Variants in LANCL2 observed in about 807,000 individuals in gnomAD.
The protein encoded by LANCL2 is LanC like glutathione S-transferase 2, also known as lanC-like protein 2.
In LANCL2, 33 loss-of-function variants were observed where a neutral mutation model predicts 56.9. The observed-to-expected ratio is 0.58, with a 90% CI of 0.44 to 0.78. The LOEUF is 0.78. Ranked by LOEUF, LANCL2 falls within the 30% of genes least tolerant of loss-of-function variation. The probability of loss-of-function intolerance (pLI) is 0.00; values close to 1 mark genes in which losing one functional copy is unlikely to be tolerated. For synonymous variants in LANCL2, 233 were observed against 228.2 expected, an observed-to-expected ratio of 1.02 and a Z score of -0.19; for missense variants, 562 against 580.2, an observed-to-expected ratio of 0.97 and a Z score of 0.32.
rs1176332245 is a variant in LANCL2 at position 55,411,939 on chromosome 7, A to G, written c.858A>G (p.Thr286=). ...CAAAAGTGGACCAAGAAACCTTGACAGAAATGGTGAAACCCAGTATTGATT... is the reference window on the plus strand; with the variant it reads ...CAAAAGTGGACCAAGAAACCTTGACGGAAATGGTGAAACCCAGTATTGATT... ...PAAKVDQETL[T]EMVKPSIDYV... The change falls in exon 6 of 9, where the codon ACA becomes ACG. Residue 286 remains threonine, a synonymous_variant. Coordinates refer to ENST00000254770, the MANE Select transcript of LANCL2 (RefSeq NM_018697.4). 1 of 1,613,570 alleles carries G rather than the reference A, an allele frequency of 6.2e-7. No individual in the cohort carries two copies. Among genetic ancestry groups the G allele is most frequent in the South Asian group, 1.1e-5 (1 of 90,896 alleles).
chr7:55,397,460 CAAAAAAAAAAAA>C (rs35547837), intron 2 of LANCL2, among the ~76,000 whole-genome samples: 3 of 90,356 alleles, frequency 3.3e-5, no homozygotes, highest in Non-Finnish European at 6.3e-5. Flanking sequence ...GACTCTGTCT[CAAAAAAAAAAAA>C]AAAAAAAAGC....
intron 5 of LANCL2, among the ~76,000 whole-genome samples, chr7:55,404,862 C>T (rs1562865163): frequency 6.6e-6 from 1 of 152,168 alleles, no homozygotes; most frequent in Admixed American, 6.5e-5. Flanking sequence ...GATCCACCCA[C>T]CTCAGCCTCC....
intron 8 of LANCL2, among the ~76,000 whole-genome samples, chr7:55,429,559 A>G (rs945767371): frequency 2.6e-5 from 4 of 152,262 alleles, no homozygotes; most frequent in Admixed American, 6.5e-5. Flanking sequence ...ATATTTTAGA[A>G]ATACGAGCAG....
In LANCL2 at chr7:55,431,515, C is replaced by T. The variant is rs1790727143; in HGVS notation, c.*195C>T. On this transcript the variant is annotated 3_prime_UTR_variant, in exon 9 of 9. Coordinates refer to ENST00000254770, the MANE Select transcript of LANCL2 (RefSeq NM_018697.4). ...GCACCCTCATCAATATAAAATATGA[C>T]TTCTTCACATACAGATTCTCTGTAG... The T allele has an allele frequency of 1.8e-6, 1 of 542,618 alleles. No individual in the cohort carries two copies. The highest frequency in any genetic ancestry group is 3.2e-6 in the Non-Finnish European group (1 of 307,952). 33.6% of individuals were successfully genotyped at this position (542,618 alleles called of 1,614,324 possible).
Position 55,365,982 on chromosome 7 carries a change from G to A in LANCL2, c.-44G>A, listed in dbSNP as rs1329509338. 7.3e-7 allele frequency: 1 copy of A among 1,367,800 alleles called. No homozygotes were observed. Among genetic ancestry groups the A allele is most frequent in the Non-Finnish European group, 9.6e-7 (1 of 1,045,436 alleles). 84.7% of individuals were successfully genotyped at this position (1,367,800 alleles called of 1,614,324 possible). A position where few individuals can be genotyped will look rare whatever the true frequency, so the allele number is the denominator to read the frequency against. On this transcript the variant is annotated 5_prime_UTR_variant, in exon 1 of 9. Transcript: ENST00000254770. The stretch of plus-strand genomic sequence containing the variant: ...GGCGGCGGGGCGAGCTGCAGCGCCG[G>A]GACAGGAGGTTTGTCCCCGCCCGCG...
chr7:55,425,122 T>C, intron 6 of LANCL2, 132 bp from the exon 7 acceptor site: 2 of 794,966 alleles, frequency 2.5e-6, no homozygotes, highest in Non-Finnish European at 2.0e-6. Context: ...TGTTTGTTTG[T>C]CTGTTTTTCA....
At chr7:55,399,294 A>AG (rs1156676495) in intron 3 of LANCL2, among the ~76,000 whole-genome samples, 1 of 151,378 alleles carries the variant, frequency 6.6e-6, no homozygotes, top group Non-Finnish European at 1.5e-5. Flanking sequence ...AAAGAAAAAA[A>AG]AAAAGACAGA....
chr7:55,425,287 A>G lies in LANCL2; in HGVS notation c.1042A>G (p.Met348Val). The change falls in exon 7 of 9, where the codon ATG becomes GTG. Residue 348 changes from methionine (M) to valine (V), a missense_variant. Transcript: ENST00000254770. ...GGAGGAGAAGTACTTGAAAGAGGCC[A>G]TGGAGTGTAGCGATGTGATTTGGCA... Reference protein sequence around the residue: ...FKEEKYLKEAMECSDVIWQRG... With the variant: ...FKEEKYLKEAVECSDVIWQRG... 1 of 1,614,170 alleles carries G rather than the reference A, an allele frequency of 6.2e-7. No homozygotes were observed. The highest frequency in any genetic ancestry group is 1.1e-5 in the South Asian group (1 of 91,072).
chr7:55,366,561 C>T (rs1408993067), intron 1 of LANCL2, among the ~76,000 whole-genome samples: 4 of 152,152 alleles, frequency 2.6e-5, no homozygotes, highest in Non-Finnish European at 5.9e-5. Context: ...CGCCCCTGCG[C>T]GGCGGAGCGC....
rs1177991395 is a variant in LANCL2, at chr7:55,411,985, C to T, written c.904C>T (p.Arg302Ter). The change falls in exon 6 of 9, where the codon CGA becomes TGA. Residue 302 changes from arginine to a stop codon, truncating the protein, a stop_gained. Coordinates refer to ENST00000254770, the MANE Select transcript of LANCL2 (RefSeq NM_018697.4). LOFTEE classifies it high-confidence loss of function. ...SIDYVRHKKF[R>*]SGNYPSSLSN... ...TGATTATGTGCGCCACAAAAAATTC[C>T]GATCTGGGAATTACCCATCATCATT... is the stretch of plus-strand genomic sequence containing the variant. 2.5e-6 allele frequency: 4 copies of T among 1,614,164 alleles called. No individual in the cohort carries two copies. Among genetic ancestry groups the T allele is most frequent in the Non-Finnish European group, 2.5e-6 (3 of 1,180,012 alleles).
chr7:55,372,808 C>T (rs888379673), intron 1 of LANCL2, among the ~76,000 whole-genome samples: 3 of 152,158 alleles, frequency 2.0e-5, no homozygotes, highest in Non-Finnish European at 2.9e-5. Flanking sequence ...CTTATTGTCT[C>T]CTTTTTTTCC....
At chr7:55,378,912 C>T (rs1790033323) in intron 1 of LANCL2, among the ~76,000 whole-genome samples, 1 of 152,200 alleles carries the variant, frequency 6.6e-6, no homozygotes, top group South Asian at 2.1e-4. Flanking sequence ...GCAGGCGGAT[C>T]ACGAGGTCAG....
At chr7:55,385,303 A>G (rs1231601356) in intron 1 of LANCL2, among the ~76,000 whole-genome samples, 3 of 152,178 alleles carry the variant, frequency 2.0e-5, no homozygotes, top group Non-Finnish European at 2.9e-5. Flanking sequence ...GAGTACAGAA[A>G]GGCAGATTTA....
chr7:55,378,895 G>A (rs1345741280), intron 1 of LANCL2, among the ~76,000 whole-genome samples: 1 of 152,222 alleles, frequency 6.6e-6, no homozygotes, highest in Non-Finnish European at 1.5e-5. Context: ...GACTTTGGGA[G>A]GCCGAGGCAG....
At chr7:55,427,047 G>A (rs111819830) in intron 7 of LANCL2, among the ~76,000 whole-genome samples, 9 of 152,190 alleles carry the variant, frequency 5.9e-5, no homozygotes, top group African/African-American at 1.9e-4. Flanking sequence ...TGCAGAGCAC[G>A]AACCAGCTCT....
intron 1 of LANCL2, among the ~76,000 whole-genome samples, chr7:55,385,072 A>G (rs1312038630): frequency 1.3e-5 from 2 of 152,152 alleles, no homozygotes; most frequent in Non-Finnish European, 2.9e-5. Flanking sequence ...CTGTAGTCCC[A>G]GTTACTTGGG....
chr7:55,389,356 T>G (rs1790160370), intron 1 of LANCL2, among the ~76,000 whole-genome samples: 1 of 152,204 alleles, frequency 6.6e-6, no homozygotes, highest in African/African-American at 2.4e-5. Flanking sequence ...TTATGTCCAC[T>G]GAGGGACTCT....
intron 1 of LANCL2, among the ~76,000 whole-genome samples, chr7:55,377,588 G>T (rs1790017603): frequency 6.6e-6 from 1 of 151,954 alleles, no homozygotes. Context: ...AATAAATCTT[G>T]CCATAAATGT....
chr7:55,420,445 T>C (rs1328787245), intron 6 of LANCL2, among the ~76,000 whole-genome samples: 1 of 152,246 alleles, frequency 6.6e-6, no homozygotes, highest in Non-Finnish European at 1.5e-5. Flanking sequence ...ATTTTAAAAT[T>C]TACTTAGATG....
Sources: gnomAD v4.1 joint callset for allele counts (sites outside exome capture counted in the v4.1 genomes callset) on GRCh38, gnomAD v4.1.1 for gene constraint, MANE v1.5 for transcripts, NCBI Gene and HGNC (gene_info 2026-07-23, HGNC 2026-07-21) for gene names.